Variants in LHFPL3 observed in about 807,000 individuals in gnomAD.
The protein encoded by LHFPL3 is LHFPL tetraspan subfamily member 3 protein.
Under a neutral mutation model 19.3 loss-of-function variants are expected in LHFPL3, and 5 were observed. That is an observed-to-expected ratio of 0.26 (90% CI 0.14 to 0.54). The LOEUF is 0.54. Among genes scored for constraint, LHFPL3 ranks in the 20% least tolerant of loss-of-function variants. The pLI, the probability that LHFPL3 is intolerant of heterozygous loss-of-function variation, is 0.94. For synonymous variants in LHFPL3, 133 were observed against 126.2 expected (o/e 1.05, Z -0.36); for missense variants, 249 against 307.4 (o/e 0.81, Z 1.42).
chr7:104,637,040 A>G (rs1261935388), intron 1 of LHFPL3, among the ~76,000 whole-genome samples: 3 of 152,134 alleles, frequency 2.0e-5, no homozygotes, highest in Non-Finnish European at 4.4e-5. Flanking sequence ...CAACCTCGCT[A>G]GCATCTGCTT....
chr7:104,614,598 C>CTTCTA (rs1404863316), intron 1 of LHFPL3, among the ~76,000 whole-genome samples: 4 of 110,776 alleles, frequency 3.6e-5, no homozygotes, highest in African/African-American at 1.6e-4. Flanking sequence ...TCTCTCTTCT[C>CTTCTA]TTCTCTTCTC....
At chr7:104,583,815 C>T (rs546035927) in intron 1 of LHFPL3, among the ~76,000 whole-genome samples, 22 of 151,604 alleles carry the variant, frequency 1.5e-4, no homozygotes, top group African/African-American at 4.4e-4. Flanking sequence ...ACAACAGGTG[C>T]TGGAGAGGAT....
intron 1 of LHFPL3, among the ~76,000 whole-genome samples, chr7:104,348,275 T>C (rs1345056156): frequency 1.3e-5 from 2 of 151,692 alleles, no homozygotes; most frequent in Admixed American, 6.6e-5. Context: ...ATTCCAGCTA[T>C]TGGAGGCTGA....
At chr7:104,561,280 G>A (rs931140528) in intron 1 of LHFPL3, among the ~76,000 whole-genome samples, 1 of 148,466 alleles carries the variant, frequency 6.7e-6, no homozygotes, top group African/African-American at 2.6e-5. Flanking sequence ...TTGACAGTGG[G>A]GTGTTAAAGT....
intron 2 of LHFPL3, among the ~76,000 whole-genome samples, chr7:104,778,199 C>G (rs183861623): frequency 6.6e-6 from 1 of 152,132 alleles, no homozygotes; most frequent in Non-Finnish European, 1.5e-5. Context: ...AGATTGAGTG[C>G]GATTTAGATT....
chr7:104,543,125 G>A (rs566735803), intron 1 of LHFPL3, among the ~76,000 whole-genome samples: 1 of 152,252 alleles, frequency 6.6e-6, no homozygotes, highest in East Asian at 1.9e-4. Context: ...GACACAGGGA[G>A]GGGAACATCA....
chr7:104,807,129 T>C (rs937078785), intron 2 of LHFPL3, among the ~76,000 whole-genome samples: 25 of 150,940 alleles, frequency 1.7e-4, no homozygotes, highest in Non-Finnish European at 3.2e-4. Context: ...GTAATCAAAA[T>C]TAAAGTAGGT....
chr7:104,636,912 T>G (rs1032576653), intron 1 of LHFPL3, among the ~76,000 whole-genome samples: 3 of 152,212 alleles, frequency 2.0e-5, no homozygotes, highest in Admixed American at 1.3e-4. Context: ...GTAATTGGAT[T>G]GCTGGGTTGA....
intron 2 of LHFPL3, among the ~76,000 whole-genome samples, chr7:104,877,113 C>G (rs1791960205): frequency 1.3e-5 from 2 of 152,160 alleles, no homozygotes; most frequent in African/African-American, 4.8e-5. Context: ...ACATCACACA[C>G]CGGGGCCTGT....
At chr7:104,487,906 A>C (rs1455735548) in intron 1 of LHFPL3, among the ~76,000 whole-genome samples, 4 of 152,110 alleles carry the variant, frequency 2.6e-5, no homozygotes, top group Non-Finnish European at 4.4e-5. Context: ...GTACTATTAC[A>C]TGTTAGTTGG....
intron 1 of LHFPL3, among the ~76,000 whole-genome samples, chr7:104,613,161 CAT>C (rs1314454787): frequency 2.6e-5 from 4 of 152,156 alleles, no homozygotes; most frequent in Non-Finnish European, 5.9e-5. Context: ...TCAGCAAAGA[CAT>C]CCACTGGCAA....
chr7:104,480,653 G>A (rs1451853200), intron 1 of LHFPL3, among the ~76,000 whole-genome samples: 1 of 152,118 alleles, frequency 6.6e-6, no homozygotes, highest in African/African-American at 2.4e-5. Flanking sequence ...AAAGTTAAGT[G>A]TCTGGAAAAA....
At chr7:104,642,034 C>CT (rs10583452) in intron 1 of LHFPL3, among the ~76,000 whole-genome samples, 100 of 111,928 alleles carry the variant, frequency 8.9e-4, no homozygotes, top group Middle Eastern at 8.8e-3. Context: ...TATGTTATTA[C>CT]TTTTTTTTTT....
At chr7:104,446,570 T>G (rs1792333808) in intron 1 of LHFPL3, among the ~76,000 whole-genome samples, 2 of 152,170 alleles carry the variant, frequency 1.3e-5, no homozygotes, top group Admixed American at 1.3e-4. Context: ...ATTTTATTTT[T>G]TTATTTTTTA....
intron 2 of LHFPL3, among the ~76,000 whole-genome samples, chr7:104,834,024 G>A (rs1273970151): frequency 6.7e-6 from 1 of 149,744 alleles, no homozygotes; most frequent in Non-Finnish European, 1.5e-5. Flanking sequence ...GATGTTTGAG[G>A]GCAGGAAGCA....
intron 2 of LHFPL3, among the ~76,000 whole-genome samples, chr7:104,851,852 G>T (rs946007309): frequency 6.6e-6 from 1 of 152,116 alleles, no homozygotes; most frequent in Admixed American, 6.5e-5. Flanking sequence ...GCACTGCAAA[G>T]ATACCATCTG....
chr7:104,459,588 G>A (rs1858780), intron 1 of LHFPL3, among the ~76,000 whole-genome samples: 32,875 of 152,094 alleles, frequency 0.22, 3,879 homozygotes, highest in African/African-American at 0.32. Context: ...CTGTCTAGCT[G>A]TACCCCATGT....
At chr7:104,426,495 A>G (rs1791848651) in intron 1 of LHFPL3, among the ~76,000 whole-genome samples, 1 of 152,102 alleles carries the variant, frequency 6.6e-6, no homozygotes, top group South Asian at 2.1e-4. Context: ...GCCTCAGGTG[A>G]TCTGCCCACC....
At chr7:104,627,167 C>A (rs566373170) in intron 1 of LHFPL3, among the ~76,000 whole-genome samples, 1 of 152,064 alleles carries the variant, frequency 6.6e-6, no homozygotes, top group Admixed American at 6.6e-5. Context: ...CCATTCTATT[C>A]CCTGCTTCTA....
Sources: gnomAD v4.1 joint callset for allele counts (sites outside exome capture counted in the v4.1 genomes callset) on GRCh38, gnomAD v4.1.1 for gene constraint, MANE v1.5 for transcripts, NCBI Gene and HGNC (gene_info 2026-07-23, HGNC 2026-07-21) for gene names.